The following CLEC9A variants were observed in gnomAD, a reference collection of about 807,000 sequenced individuals.
The protein encoded by CLEC9A is C-type lectin domain containing 9A, also known as C-type lectin domain family 9 member A.
CLEC9A carries 24 observed loss-of-function variants against 30.0 expected under a neutral mutation model. That is an observed-to-expected ratio of 0.80 (90% confidence interval 0.58 to 1.13). The LOEUF (loss-of-function observed/expected upper bound fraction) is 1.13, where lower values mean the gene tolerates loss of function less well. CLEC9A is among the 50% of genes most tolerant of loss of function. The pLI is 0.00. For synonymous variants in CLEC9A, 111 were observed against 96.8 expected, an observed-to-expected ratio of 1.15 and a Z score of -0.86; for missense variants, 251 against 280.9, an observed-to-expected ratio of 0.89 and a Z score of 0.76.
intron 1 of CLEC9A, among the ~76,000 whole-genome samples, chr12:10,035,328 G>A (rs74061468): frequency 0.019 from 2,848 of 152,216 alleles, 90 homozygotes; most frequent in African/African-American, 0.065. Flanking sequence ...CAGGTCGGTG[G>A]GCAAAGGCCC....
intron 2 of CLEC9A, among the ~76,000 whole-genome samples, chr12:10,050,822 T>C (rs1315170726): frequency 6.6e-6 from 1 of 152,188 alleles, no homozygotes; most frequent in Admixed American, 6.5e-5. Context: ...CTCCTCAAGA[T>C]AGAAGTGATC....
At chr12:10,052,516 C>A in intron 3 of CLEC9A, 114 bp from the exon 4 acceptor site, 1 of 1,299,706 alleles carries the variant, frequency 7.7e-7, no homozygotes, top group Admixed American at 3.3e-5. Context: ...CATAAACTTC[C>A]ACTTTCTGAA....
At chr12:10,053,797 G>A (rs1482410408) in intron 4 of CLEC9A, among the ~76,000 whole-genome samples, 7 of 150,394 alleles carry the variant, frequency 4.7e-5, no homozygotes, top group Non-Finnish European at 7.4e-5. Context: ...AAACTTGTTC[G>A]TCTTCCAAAA....
chr12:10,043,037 T>A (rs1365211240), intron 2 of CLEC9A, among the ~76,000 whole-genome samples: 1 of 152,210 alleles, frequency 6.6e-6, no homozygotes, highest in Non-Finnish European at 1.5e-5. Flanking sequence ...CAAGCTTTTT[T>A]AAGTTCTAAG....
chr12:10,065,432 T>C, intron 8 of CLEC9A, 68 bp from the exon 9 acceptor site: 1 of 1,583,496 alleles, frequency 6.3e-7, no homozygotes, highest in South Asian at 1.1e-5. Flanking sequence ...CACCTCTCAT[T>C]AGTTACCCTC....
Position 10,063,044 on chromosome 12 carries a change from T to C in CLEC9A, c.320-11T>C, listed in dbSNP as rs1866010993. 6.3e-7 allele frequency: 1 copy of C among 1,579,736 alleles called. No homozygotes were observed. The highest frequency in any genetic ancestry group is 1.4e-5 in the African/African-American group (1 of 72,408). On this transcript the variant is annotated splice_polypyrimidine_tract_variant and intron_variant, in intron 6 of 8. Transcript: ENST00000355819. The stretch of plus-strand genomic sequence containing the variant: ...CAATAAGATACTAAAGTAAAATGTT[T>C]ATATTCAAAGCCCATAACAGCAGTC...
intron 1 of CLEC9A, among the ~76,000 whole-genome samples, chr12:10,041,186 C>T (rs1052433160): frequency 6.6e-6 from 1 of 152,010 alleles, no homozygotes; most frequent in African/African-American, 2.4e-5. Flanking sequence ...GTGAAGGTTG[C>T]AGTGAGCCAA....
intron 1 of CLEC9A, among the ~76,000 whole-genome samples, chr12:10,034,532 A>G (rs1302347667): frequency 2.6e-5 from 4 of 152,196 alleles, no homozygotes; most frequent in African/African-American, 9.7e-5. Flanking sequence ...TTTCTTTACT[A>G]TCTGTGCTCC....
rs75760890 is a variant in CLEC9A at position 10,058,888 on chromosome 12, G to A, written c.173-2239G>A. Among the ~76,000 whole-genome samples, 290 of 152,224 alleles carry A rather than the reference G, an allele frequency of 1.9e-3. 1 individual carries two copies. Among genetic ancestry groups the A allele is most frequent in the African/African-American group, 6.8e-3 (281 of 41,536 alleles). ...TTTCTGTGTGATCGTGGTTACCTCC[G>A]TTTTGTGGTTAAAAATATGAAAATA... On this transcript the variant is annotated intron_variant, in intron 5 of 8. Transcript: ENST00000355819.
intron 5 of CLEC9A, among the ~76,000 whole-genome samples, chr12:10,059,489 C>T (rs1865976551): frequency 6.6e-6 from 1 of 152,128 alleles, no homozygotes; most frequent in Admixed American, 6.5e-5. Flanking sequence ...AGGACAAAAT[C>T]TTCAGAATCT....
At chr12:10,064,118 C>T (rs1866021558) in intron 7 of CLEC9A, among the ~76,000 whole-genome samples, 2 of 151,972 alleles carry the variant, frequency 1.3e-5, no homozygotes, top group Non-Finnish European at 2.9e-5. Flanking sequence ...ATTTTTGGCC[C>T]TATAAAAAAT....
chr12:10,040,926 G>A (rs17734663), intron 1 of CLEC9A: 4,255 of 214,998 alleles, frequency 0.02, 85 homozygotes, highest in Non-Finnish European at 0.026. Context: ...AAGCACTTCT[G>A]CCAATATGTA....
Position 10,047,821 on chromosome 12 carries a change from AATG to A in CLEC9A, c.-162-4168_-162-4166del, listed in dbSNP as rs1865859139. 2.6e-5 allele frequency among the ~76,000 whole-genome samples: 4 copies of A among 152,228 alleles called. No homozygotes were observed. The South Asian group carries it at 8.3e-4, about 32-fold the overall frequency. ...AATGCTAACGATTACCTGAGTCTTT[AATG>A]AGTGGAAACCTTTTAGCTGGTAGAG... is the stretch of plus-strand genomic sequence containing the variant. On this transcript the variant is annotated intron_variant, in intron 2 of 8. Transcript: ENST00000355819.
At chr12:10,061,697 G>T (rs1364791969) in intron 6 of CLEC9A, among the ~76,000 whole-genome samples, 1 of 152,130 alleles carries the variant, frequency 6.6e-6, no homozygotes, top group East Asian at 1.9e-4. Flanking sequence ...GAAAATGAGA[G>T]TATTTACCAC....
chr12:10,052,806 G>A (rs780632431), intron 4 of CLEC9A, 28 bp downstream of exon 4: 1 of 1,598,200 alleles, frequency 6.3e-7, no homozygotes, highest in South Asian at 1.1e-5. Context: ...TTTTGTGTGA[G>A]ACTTTAGAGT....
Position 10,063,165 on chromosome 12 carries a change from G to T in CLEC9A, c.430G>T (p.Glu144Ter). The change falls in exon 7 of 9, where the codon GAA becomes TAA. Residue 144 changes from glutamate to a stop codon, truncating the protein, a stop_gained. Transcript: ENST00000355819. LOFTEE classifies it high-confidence loss of function. ...CACCAGTCAAGAGAATTGTTTAAAG[G>T]AAGGTTCCACGCTGCTACAAATAGA... is the stretch of plus-strand genomic sequence containing the variant. ...WHTSQENCLK[E>*]GSTLLQIESK... 2 of 1,611,598 alleles carry T rather than the reference G, an allele frequency of 1.2e-6. No individual in the cohort carries two copies. Among genetic ancestry groups the T allele is most frequent in the Non-Finnish European group, 1.7e-6 (2 of 1,179,116 alleles).
At chr12:10,049,674 C>T (rs1865876640) in intron 2 of CLEC9A, among the ~76,000 whole-genome samples, 1 of 152,196 alleles carries the variant, frequency 6.6e-6, no homozygotes, top group South Asian at 2.1e-4. Flanking sequence ...CTCTCTCACT[C>T]ATCACAGAAT....
rs1246768726 is a variant in CLEC9A, at chr12:10,061,137, G to A, written c.183G>A (p.Val61=). The A allele has an allele frequency of 6.2e-6, 10 of 1,610,002 alleles. No homozygotes were observed. Among genetic ancestry groups the A allele is most frequent in the Non-Finnish European group, 8.5e-6 (10 of 1,178,718 alleles). The change falls in exon 6 of 9, where the codon GTG becomes GTA. Residue 61 remains valine (V), a synonymous_variant. Transcript: ENST00000355819. ...SIFLGVKLLQ[V]STIAMQQQEK... ...TGCTATCATGTGAAGTGTTGCAGGT[G>A]TCCACCATTGCGATGCAGCAGCAAG...
intron 1 of CLEC9A, among the ~76,000 whole-genome samples, chr12:10,038,120 G>A (rs1014907045): frequency 6.6e-6 from 1 of 152,184 alleles, no homozygotes; most frequent in Non-Finnish European, 1.5e-5. Context: ...AAAAAACTCA[G>A]TGACAAAAAT....
Sources: gnomAD v4.1 joint callset for allele counts (sites outside exome capture counted in the v4.1 genomes callset) on GRCh38, gnomAD v4.1.1 for gene constraint, MANE v1.5 for transcripts, NCBI Gene and HGNC (gene_info 2026-07-23, HGNC 2026-07-21) for gene names.